ESPL1: variants seen among roughly 807,000 people sequenced by gnomAD.
ESPL1 encodes the protein extra spindle pole bodies like 1, separase.
In ESPL1, 50 loss-of-function variants were observed where a neutral mutation model predicts 217.2. That is an observed-to-expected ratio of 0.23 (90% CI 0.18 to 0.29). The LOEUF is 0.29. Ranked by LOEUF, ESPL1 falls within the 10% of genes least tolerant of loss-of-function variation. The probability of loss-of-function intolerance (pLI) is 1.00; values close to 1 mark genes in which losing one functional copy is unlikely to be tolerated. For synonymous variants in ESPL1, 994 were observed against 1,081.3 expected, an observed-to-expected ratio of 0.92 and a Z score of 1.58; for missense variants, 1,834 against 2,603.0, an observed-to-expected ratio of 0.70 and a Z score of 6.43.
At position 53,277,667 on chromosome 12, in the gene ESPL1, G is replaced by A; in HGVS notation, c.2224+59G>A. 5.6e-6 allele frequency: 9 copies of A among 1,598,196 alleles called. No individual in the cohort carries two copies. In the South Asian group the frequency reaches 1.0e-4, roughly 18 times the overall value. ...CCATGGCTTCCTAAGAGTGGAACAGGGACCCCTGGTGAGGGAAACCCTGAC... is the reference window on the plus strand; with the variant it reads ...CCATGGCTTCCTAAGAGTGGAACAGAGACCCCTGGTGAGGGAAACCCTGAC... On this transcript the variant is annotated intron_variant, in intron 10 of 30. Coordinates refer to ENST00000257934, the MANE Select transcript of ESPL1 (RefSeq NM_012291.5).
At chr12:53,285,891 C>T (rs560036076) in intron 17 of ESPL1, 33 bp from the exon 18 acceptor site, 9 of 1,505,066 alleles carry the variant, frequency 6.0e-6, no homozygotes, top group African/African-American at 4.2e-5. Flanking sequence ...CATTTCTCCC[C>T]GTTTTGTAAT....
chr12:53,292,043 G>A lies in ESPL1; in HGVS notation c.5751G>A (p.Arg1917=), dbSNP rs369694566. The change falls in exon 27 of 31, where the codon CGG becomes CGA. Residue 1917 remains arginine, a synonymous_variant. Transcript: ENST00000257934. This position sits in a 1 kb window ranked among gnomAD's most constrained non-coding sequence, Gnocchi z 4.5. ...MPSLQALPVT[R]LPSFRFLLSY... ...GCCTCCAAGCACTGCCTGTCACCCG[G>A]CTGCCCTCCTTCCGCTTCCTACTCA... is the stretch of plus-strand genomic sequence containing the variant. 1.2e-6 allele frequency: 2 copies of A among 1,613,996 alleles called. No homozygotes were observed. Among genetic ancestry groups the A allele is most frequent in the Non-Finnish European group, 1.7e-6 (2 of 1,180,032 alleles).
At chr12:53,273,798 G>T (rs1304471380) in intron 6 of ESPL1, among the ~76,000 whole-genome samples, 1 of 143,248 alleles carries the variant, frequency 7.0e-6, no homozygotes, top group Non-Finnish European at 1.5e-5. Context: ...GTGGTCCTTT[G>T]AGCAAGGAGA....
rs111521497 is a variant in ESPL1, at chr12:53,282,145, T to C, written c.2620-119T>C. 7 of 803,564 alleles carry C rather than the reference T, an allele frequency of 8.7e-6. No homozygotes were observed. Among genetic ancestry groups the C allele is most frequent in the African/African-American group, 8.6e-5 (5 of 58,198 alleles). 49.8% of individuals were successfully genotyped at this position (803,564 alleles called of 1,614,324 possible). Reference sequence around the variant, plus strand: ...AAAGCCAGGCAAATATTCAGAAAATTCTAAAATCTTTCTAATACCCAGGGC... The same window carrying C: ...AAAGCCAGGCAAATATTCAGAAAATCCTAAAATCTTTCTAATACCCAGGGC... On this transcript the variant is annotated intron_variant, in intron 13 of 30. Coordinates refer to ENST00000257934, the MANE Select transcript of ESPL1 (RefSeq NM_012291.5). The surrounding 1 kb of genome is among the most constrained non-coding windows in gnomAD (Gnocchi z 4.0).
chr12:53,290,029 C>T, intron 22 of ESPL1, 56 bp from the exon 23 acceptor site: 4 of 1,583,260 alleles, frequency 2.5e-6, no homozygotes, highest in Non-Finnish European at 3.4e-6. Flanking sequence ...GTGCCCAAGA[C>T]AGGGAAGGGA....
intron 4 of ESPL1, 40 bp downstream of exon 4, chr12:53,270,522 G>A (rs1943649761): frequency 6.4e-7 from 1 of 1,560,470 alleles, no homozygotes; most frequent in Non-Finnish European, 8.8e-7. Flanking sequence ...TAGGCTCATA[G>A]GGTTTGGGGT....
chr12:53,277,034 T>G lies in ESPL1; in HGVS notation c.1941-49T>G, dbSNP rs1270048399. 3 of 1,596,078 alleles carry G rather than the reference T, an allele frequency of 1.9e-6. No homozygotes were observed. In the East Asian group the frequency reaches 6.7e-5, roughly 36 times the overall value. The stretch of plus-strand genomic sequence containing the variant: ...GCAGCTAGCCCTTCCCAGGGCGCTA[T>G]GGCAGATACTCATAGTAGGCCCAGC... On this transcript the variant is annotated intron_variant, in intron 8 of 30. Transcript: ENST00000257934.
chr12:53,271,172 GTT>G lies in ESPL1; in HGVS notation c.1369+392_1369+393del, dbSNP rs1555185860. Reference sequence around the variant, plus strand: ...AAATGACCTTTCTGTATATTTAAGTGTTTTTTTTTTTTTTTTTTTGAGACAAG... The same window carrying G: ...AAATGACCTTTCTGTATATTTAAGTGTTTTTTTTTTTTTTTTTGAGACAAG... On this transcript the variant is annotated intron_variant, in intron 5 of 30. Coordinates refer to ENST00000257934, the MANE Select transcript of ESPL1 (RefSeq NM_012291.5). Among the ~76,000 whole-genome samples the G allele has an allele frequency of 2.0e-3, 233 of 117,746 alleles. 1 individual carries two copies. Among genetic ancestry groups the G allele is most frequent in the African/African-American group, 6.4e-3 (197 of 30,612 alleles). 77.2% of individuals were successfully genotyped at this position (117,746 alleles called of 152,430 possible). A position where few individuals can be genotyped will look rare whatever the true frequency, so the allele number is the denominator to read the frequency against.
Position 53,288,168 on chromosome 12 carries a change from C to T in ESPL1, c.4373C>T (p.Ala1458Val). 1 of 1,612,500 alleles carries T rather than the reference C, an allele frequency of 6.2e-7. No homozygotes were observed. The highest frequency in any genetic ancestry group is 8.5e-7 in the Non-Finnish European group (1 of 1,179,532). Residue 1458 changes from alanine (A) to valine (V), a missense_variant, in exon 19 of 31, where the codon GCC becomes GTC. Ala to Val is a moderately conservative substitution (Grantham distance 64, BLOSUM62 0). Transcript: ENST00000257934. ...NPGLNGRSRR[A>V]KKVASRHCEE... ...GGCCTGAATGGCAGGAGCCGGAGGG[C>T]CAAGAAGGTGGCATCAAGACATTGT... is the stretch of plus-strand genomic sequence containing the variant.
rs141578053 is a variant in ESPL1, at chr12:53,288,205, T to G, written c.4410T>G (p.Arg1470=). The change falls in exon 19 of 31, where the codon CGT becomes CGG. Residue 1470 remains arginine, a synonymous_variant. Transcript: ENST00000257934. The stretch of plus-strand genomic sequence containing the variant: ...CATCAAGACATTGTGAGGAGCGGCG[T>G]CCCCAGAGGGCCAGTGACCAGGCCA... ...KVASRHCEER[R]PQRASDQARP... 6.2e-7 allele frequency: 1 copy of G among 1,610,580 alleles called. No homozygotes were observed. The highest frequency in any genetic ancestry group is 1.1e-5 in the South Asian group (1 of 90,570).
chr12:53,279,327 T>G (rs983305905), intron 11 of ESPL1, among the ~76,000 whole-genome samples: 1 of 152,196 alleles, frequency 6.6e-6, no homozygotes, highest in Non-Finnish European at 1.5e-5. Flanking sequence ...TTAAACCATA[T>G]TTCTAGCAGG....
At position 53,270,740 on chromosome 12, in the gene ESPL1, G is replaced by A; in HGVS notation, c.1311G>A (p.Met437Ile). The A allele has an allele frequency of 6.2e-7, 1 of 1,614,172 alleles. No homozygotes were observed. The highest frequency in any genetic ancestry group is 8.5e-7 in the Non-Finnish European group (1 of 1,179,996). ...GTTGTAAATCTACCGTTGTCTGGAT[G>A]CTGGAGGCCTTAGAGGGCCTGTCGG... ...VDSCKSTVVW[M>I]LEALEGLSGQ... The change falls in exon 5 of 31, where the codon ATG becomes ATA. Residue 437 changes from methionine (M) to isoleucine (I), a missense_variant. Physicochemically the swap from Met to Ile is conservative, Grantham distance 10. Transcript: ENST00000257934.
intron 12 of ESPL1, 93 bp downstream of exon 12, chr12:53,279,959 T>C: frequency 1.4e-6 from 2 of 1,400,912 alleles, no homozygotes; most frequent in Non-Finnish European, 1.9e-6. Flanking sequence ...AGGGGCAGCT[T>C]CTCGGCCTTT....
At chr12:53,279,559 T>C (rs1386573917) in intron 11 of ESPL1, 173 bp from the exon 12 acceptor site, 16 of 739,480 alleles carry the variant, frequency 2.2e-5, no homozygotes, top group Admixed American at 1.7e-4. Context: ...ATGAATGGCA[T>C]CTAGGCTTTA....
intron 5 of ESPL1, among the ~76,000 whole-genome samples, chr12:53,271,959 C>T (rs910252486): frequency 1.3e-5 from 2 of 150,786 alleles, no homozygotes; most frequent in African/African-American, 2.4e-5. Context: ...TGGTGGCAGG[C>T]GCCTGTACTC....
intron 20 of ESPL1, 157 bp downstream of exon 20, chr12:53,288,856 C>A: frequency 1.4e-6 from 1 of 739,936 alleles, no homozygotes; most frequent in Non-Finnish European, 2.2e-6. Flanking sequence ...GTGTGCAGGT[C>A]ACTTAACCTC....
At position 53,290,392 on chromosome 12, in the gene ESPL1, G is replaced by C; in HGVS notation, c.5287G>C (p.Ala1763Pro). 1 of 1,613,356 alleles carries C rather than the reference G, an allele frequency of 6.2e-7. No homozygotes were observed. The highest frequency in any genetic ancestry group is 8.5e-7 in the Non-Finnish European group (1 of 1,179,988). Residue 1763 changes from alanine (A) to proline (P), a missense_variant, in exon 24 of 31, where the codon GCA becomes CCA. Ala to Pro is a conservative substitution (Grantham distance 27). Coordinates refer to ENST00000257934, the MANE Select transcript of ESPL1 (RefSeq NM_012291.5). Reference protein sequence around the residue: ...VLNEFDAIQKAQKENSSCTDK... With the variant: ...VLNEFDAIQKPQKENSSCTDK... ...GAATGAGTTTGATGCCATCCAGAAG[G>C]CACAGAAAGAGAACAGCAGCTGTAC...
Position 53,283,825 on chromosome 12 carries a change from T to C in ESPL1, c.3078-233T>C, listed in dbSNP as rs573433699. ...AAGAATGTTTTCCCACAGGATTCTTTTATTGAGGAATGCAGTTTGGGAAAT... is the reference window on the plus strand; with the variant it reads ...AAGAATGTTTTCCCACAGGATTCTTCTATTGAGGAATGCAGTTTGGGAAAT... On this transcript the variant is annotated intron_variant, in intron 16 of 30. Coordinates refer to ENST00000257934, the MANE Select transcript of ESPL1 (RefSeq NM_012291.5). Among the ~76,000 whole-genome samples the C allele has an allele frequency of 2.0e-5, 3 of 152,290 alleles. No individual in the cohort carries two copies. In the South Asian group the frequency reaches 6.2e-4, roughly 32 times the overall value.
chr12:53,281,783 G>A (rs532071030), intron 13 of ESPL1, among the ~76,000 whole-genome samples, 157 bp downstream of exon 13: 4 of 152,108 alleles, frequency 2.6e-5, no homozygotes, highest in Admixed American at 6.5e-5. Context: ...CCTCGCCAGC[G>A]ATTTGCTCAC....
Sources: allele counts gnomAD v4.1 joint callset (sites outside exome capture counted in the v4.1 genomes callset), GRCh38; gene constraint gnomAD v4.1.1; non-coding constraint Gnocchi (gnomAD v3.1); transcripts MANE v1.5; gene names NCBI Gene and HGNC (gene_info 2026-07-23, HGNC 2026-07-21).